NADSYN1: variants seen among roughly 807,000 people sequenced by gnomAD.
NADSYN1 encodes NAD synthetase 1.
NADSYN1 carries 80 observed loss-of-function variants against 99.3 expected under a neutral mutation model. That is an observed-to-expected ratio of 0.81 (90% confidence interval 0.67 to 0.97). The LOEUF is 0.97. Among genes scored for constraint, NADSYN1 ranks in the 50% least tolerant of loss-of-function variants. The pLI, the probability that NADSYN1 is intolerant of heterozygous loss-of-function variation, is 0.00. For synonymous variants in NADSYN1, 385 were observed against 372.1 expected (o/e 1.03, Z -0.40); for missense variants, 859 against 948.5 (o/e 0.91, Z 1.24).
intron 16 of NADSYN1, 29 bp from the exon 17 acceptor site, chr11:71,490,816 A>T: frequency 6.2e-7 from 1 of 1,612,564 alleles, no homozygotes; most frequent in East Asian, 2.2e-5. Flanking sequence ...CCCCTTGGGA[A>T]CCCGCGCTCT....
At position 71,501,691 on chromosome 11, in the gene NADSYN1, C is replaced by G. The variant is rs1949858635; in HGVS notation, c.*339C>G. 1 of 319,320 alleles carries G rather than the reference C, an allele frequency of 3.1e-6. No homozygotes were observed. Among genetic ancestry groups the G allele is most frequent in the African/African-American group, 2.1e-5 (1 of 46,668 alleles). The allele number at this position is 319,320 out of a possible 1,614,324, so 19.8% of individuals were successfully genotyped here. On this transcript the variant is annotated 3_prime_UTR_variant, in exon 21 of 21. Transcript: ENST00000319023. ...GCTGCAGGAACAAGAACAGTAGCTCCCGGGAAGGGAGGGGTGTCATGAGCA... is the reference window on the plus strand; with the variant it reads ...GCTGCAGGAACAAGAACAGTAGCTCGCGGGAAGGGAGGGGTGTCATGAGCA...
chr11:71,484,767 G>A, intron 15 of NADSYN1: 2 of 332,022 alleles, frequency 6.0e-6, no homozygotes, highest in South Asian at 3.9e-5. Context: ...AAGAGGGTGT[G>A]TCTGAGCCTG....
chr11:71,461,588 C>A (rs1949551086), intron 3 of NADSYN1, among the ~76,000 whole-genome samples: 1 of 152,070 alleles, frequency 6.6e-6, no homozygotes, highest in Non-Finnish European at 1.5e-5. Flanking sequence ...ACCACCACAC[C>A]CAGCTAATTT....
intron 1 of NADSYN1, 100 bp from the exon 2 acceptor site, chr11:71,455,010 T>TG: frequency 2.4e-6 from 2 of 821,512 alleles, no homozygotes; most frequent in Non-Finnish European, 3.8e-6. Context: ...TGTTGTTTGT[T>TG]TTTTTTTTTA....
intron 14 of NADSYN1, 122 bp downstream of exon 14, chr11:71,483,139 T>C: frequency 8.2e-7 from 1 of 1,217,778 alleles, no homozygotes; most frequent in Non-Finnish European, 1.2e-6. Context: ...TCATCCACTA[T>C]GTGGATAAAC....
At chr11:71,465,872 G>A (rs770038496) in intron 5 of NADSYN1, among the ~76,000 whole-genome samples, 1 of 152,124 alleles carries the variant, frequency 6.6e-6, no homozygotes, top group Non-Finnish European at 1.5e-5. Flanking sequence ...TGGTTAGTCT[G>A]TTGATTTTTG....
intron 9 of NADSYN1, chr11:71,476,271 C>T (rs1411306565): frequency 1.4e-5 from 5 of 359,602 alleles, no homozygotes; most frequent in African/African-American, 4.3e-5. Context: ...ATTAAAGCAG[C>T]GGATTCACCG....
chr11:71,470,322 G>A (rs1397371951), intron 5 of NADSYN1, among the ~76,000 whole-genome samples: 4 of 152,268 alleles, frequency 2.6e-5, no homozygotes, highest in Non-Finnish European at 5.9e-5. Flanking sequence ...CTGGGTGCAT[G>A]AGTGATCTGT....
chr11:71,466,061 CT>C (rs1194477549), intron 5 of NADSYN1, among the ~76,000 whole-genome samples: 1 of 152,164 alleles, frequency 6.6e-6, no homozygotes, highest in Non-Finnish European at 1.5e-5. Context: ...TTTTTCCTGA[CT>C]TTCCTTGGAA....
chr11:71,494,242 C>T (rs1949804153), intron 18 of NADSYN1, among the ~76,000 whole-genome samples: 1 of 152,110 alleles, frequency 6.6e-6, no homozygotes, highest in Non-Finnish European at 1.5e-5. Context: ...GGTGTCCCAT[C>T]TTTTACCCTT....
In NADSYN1 at chr11:71,481,400, A is replaced by C; in HGVS notation, c.1043A>C (p.Gln348Pro). 1 of 1,613,850 alleles carries C rather than the reference A, an allele frequency of 6.2e-7. No homozygotes were observed. Among genetic ancestry groups the C allele is most frequent in the Non-Finnish European group, 8.5e-7 (1 of 1,179,926 alleles). The change falls in exon 12 of 21, where the codon CAA (glutamine) becomes CCA (proline). Residue 348 changes from glutamine (Q) to proline (P), a missense_variant. Transcript: ENST00000319023. ...CWLWDFLRRS[Q>P]QAGFLLPLSG... ...CTCTGGGATTTTTTAAGACGAAGTC[A>C]ACAGGTAAGACTTCCAGTTTCTAGT...
chr11:71,484,648 G>GA (rs772720594), intron 15 of NADSYN1: 12 of 700,236 alleles, frequency 1.7e-5, no homozygotes, highest in Non-Finnish European at 2.5e-5. Context: ...TGTTAACAAG[G>GA]AGGGGGTCTG....
At chr11:71,457,797 T>G (rs141801589) in intron 2 of NADSYN1, among the ~76,000 whole-genome samples, 13 of 152,280 alleles carry the variant, frequency 8.5e-5, no homozygotes, top group African/African-American at 2.6e-4. Flanking sequence ...GTCTCTCCTC[T>G]CCTTTCTCTT....
chr11:71,459,040 C>T (rs571489114), intron 3 of NADSYN1: 175 of 172,240 alleles, frequency 1.0e-3, no homozygotes, highest in Non-Finnish European at 1.8e-3. Context: ...CTGTGCTGTA[C>T]CCTGCATAGC....
intron 16 of NADSYN1, 58 bp from the exon 17 acceptor site, chr11:71,490,787 G>C: frequency 6.3e-7 from 1 of 1,597,488 alleles, no homozygotes; most frequent in Non-Finnish European, 8.5e-7. Flanking sequence ...TGGCTGGCCA[G>C]GGTTGATGGA....
chr11:71,490,880 G>T lies in NADSYN1; in HGVS notation c.1598G>T (p.Ser533Ile), dbSNP rs199504319. Reference protein sequence around the residue: ...LGYLTKYDCSSADINPIGGIS... With the variant: ...LGYLTKYDCSIADINPIGGIS... ...TACCTGACCAAGTACGACTGCTCCAGTGCGGACATCAACCCCATAGGCGGG... is the reference window on the plus strand; with the variant it reads ...TACCTGACCAAGTACGACTGCTCCATTGCGGACATCAACCCCATAGGCGGG... Residue 533 changes from serine (S) to isoleucine (I), a missense_variant, in exon 17 of 21, where the codon AGT (serine) becomes ATT (isoleucine). By Grantham distance (142) the Ser-to-Ile change is moderately radical. Coordinates refer to ENST00000319023, the MANE Select transcript of NADSYN1 (RefSeq NM_018161.5). 3.2e-5 allele frequency: 51 copies of T among 1,614,084 alleles called. No homozygotes were observed. The highest frequency in any genetic ancestry group is 8.3e-5 in the Admixed American group (5 of 60,016).
chr11:71,480,936 G>C (rs1949702890), intron 11 of NADSYN1, 57 bp downstream of exon 11: 2 of 1,600,264 alleles, frequency 1.2e-6, no homozygotes, highest in Non-Finnish European at 1.7e-6. Context: ...ACGCCCCTGG[G>C]GTGGGGACTC....
rs1949620314 is a variant in NADSYN1, at chr11:71,470,563, G to A, written c.408-1886G>A. 2.0e-5 allele frequency among the ~76,000 whole-genome samples: 3 copies of A among 152,304 alleles called. No individual in the cohort carries two copies. In the South Asian group the frequency reaches 6.2e-4, roughly 32 times the overall value. On this transcript the variant is annotated intron_variant, in intron 5 of 20. Coordinates refer to ENST00000319023, the MANE Select transcript of NADSYN1 (RefSeq NM_018161.5). ...TTTGCAATAAAATTAATCCATAAAG[G>A]AAGTCTGTGGCCAAACAGATTTTAG...
chr11:71,491,557 A>G (rs1325188042), intron 17 of NADSYN1, among the ~76,000 whole-genome samples: 1 of 152,134 alleles, frequency 6.6e-6, no homozygotes, highest in African/African-American at 2.4e-5. Context: ...CCCTCGACCT[A>G]GGTGTGCCCG....
Sources: gnomAD v4.1 joint callset for allele counts (sites outside exome capture counted in the v4.1 genomes callset) on GRCh38, gnomAD v4.1.1 for gene constraint, MANE v1.5 for transcripts, NCBI Gene and HGNC (gene_info 2026-07-23, HGNC 2026-07-21) for gene names.